EYA2: variants seen among roughly 807,000 people sequenced by gnomAD.
EYA2 encodes the protein protein phosphatase EYA2.
In EYA2, 31 loss-of-function variants were observed where a neutral mutation model predicts 69.2. The ratio of observed to expected loss-of-function variants is 0.45; its 90% CI spans 0.34 to 0.60. The LOEUF is 0.60. EYA2 is among the 20% of genes least tolerant of loss of function. The pLI, the probability that EYA2 is intolerant of heterozygous loss-of-function variation, is 0.02. For synonymous variants in EYA2, 257 were observed against 279.4 expected (o/e 0.92, Z 0.80); for missense variants, 622 against 701.2 (o/e 0.89, Z 1.28).
At chr20:47,005,984 C>G (rs1192857818) in intron 4 of EYA2, among the ~76,000 whole-genome samples, 1 of 152,194 alleles carries the variant, frequency 6.6e-6, no homozygotes, top group Non-Finnish European at 1.5e-5. Flanking sequence ...CTGGAAAAAC[C>G]TAGGGCACTG....
intron 6 of EYA2, 150 bp from the exon 7 acceptor site, chr20:47,074,008 G>T: frequency 1.5e-6 from 1 of 648,208 alleles, no homozygotes; most frequent in Admixed American, 3.5e-5. Flanking sequence ...CCTTGCCCCG[G>T]GGTCTGCTTC....
intron 2 of EYA2, among the ~76,000 whole-genome samples, chr20:46,998,972 G>C (rs1982197951): frequency 2.6e-5 from 4 of 152,150 alleles, no homozygotes; most frequent in African/African-American, 9.7e-5. Flanking sequence ...CTGCGTAGTG[G>C]GGGAGGGGAA....
chr20:47,078,333 A>ACACACACC (rs2031598907), intron 7 of EYA2, among the ~76,000 whole-genome samples: 1 of 76,082 alleles, frequency 1.3e-5, no homozygotes, highest in African/African-American at 4.7e-5. Flanking sequence ...GCGCGCGCGC[A>ACACACACC]CACACACACA....
chr20:46,998,840 G>A (rs1303868199), intron 2 of EYA2, among the ~76,000 whole-genome samples: 1 of 152,196 alleles, frequency 6.6e-6, no homozygotes, highest in African/African-American at 2.4e-5. Flanking sequence ...AAAAAAGCCT[G>A]TGTTTTTTCA....
At chr20:46,990,225 G>A (rs1981565764) in intron 2 of EYA2, 106 bp downstream of exon 2, 1 of 585,410 alleles carries the variant, frequency 1.7e-6, no homozygotes, top group Non-Finnish European at 3.2e-6. Flanking sequence ...ACTGTCCTTA[G>A]GACAATTTCT....
chr20:46,992,209 G>A lies in EYA2; in HGVS notation c.109+2090G>A, dbSNP rs562317002. 3.0e-4 allele frequency among the ~76,000 whole-genome samples: 45 copies of A among 152,232 alleles called. 1 individual carries two copies. The highest frequency in any genetic ancestry group is 7.7e-4 in the African/African-American group (32 of 41,546). On this transcript the variant is annotated intron_variant, in intron 2 of 15. Transcript: ENST00000327619. ...TCAGAACAAACACTCGGCACTTGTC[G>A]TGTCCCAGCATTGCTCTATTAACTC...
intron 1 of EYA2, among the ~76,000 whole-genome samples, chr20:46,974,502 G>A: frequency 6.6e-6 from 1 of 152,124 alleles, no homozygotes; most frequent in Non-Finnish European, 1.5e-5. Context: ...TGCTGGTGTG[G>A]TATCTGAAAG....
chr20:46,991,828 C>T (rs1030441819), intron 2 of EYA2, among the ~76,000 whole-genome samples: 1 of 151,838 alleles, frequency 6.6e-6, no homozygotes. Context: ...ATTAGACAGG[C>T]GTGGTGGCAC....
chr20:47,115,985 C>G (rs1341825366), intron 9 of EYA2, among the ~76,000 whole-genome samples: 1 of 152,170 alleles, frequency 6.6e-6, no homozygotes, highest in Non-Finnish European at 1.5e-5. Context: ...CTCTTCCTAC[C>G]CTCCCTTAGT....
chr20:46,899,002 A>G (rs1983957550), intron 1 of EYA2, among the ~76,000 whole-genome samples: 1 of 152,166 alleles, frequency 6.6e-6, no homozygotes, highest in South Asian at 2.1e-4. Flanking sequence ...TTTATTGAGA[A>G]CTGGTATACC....
chr20:46,974,362 A>C (rs1456263881), intron 1 of EYA2, among the ~76,000 whole-genome samples: 1 of 152,158 alleles, frequency 6.6e-6, no homozygotes, highest in Non-Finnish European at 1.5e-5. Context: ...CCCCCAGTAA[A>C]AATGCCCTTG....
At chr20:46,935,850 G>A (rs1985885413) in intron 1 of EYA2, among the ~76,000 whole-genome samples, 1 of 151,716 alleles carries the variant, frequency 6.6e-6, no homozygotes, top group Non-Finnish European at 1.5e-5. Flanking sequence ...ATATTATATT[G>A]CAACATCATA....
At chr20:47,091,793 G>C (rs2032095193) in intron 8 of EYA2, among the ~76,000 whole-genome samples, 1 of 152,060 alleles carries the variant, frequency 6.6e-6, no homozygotes. Flanking sequence ...GAATTTACTA[G>C]GAAAGGACAA....
chr20:47,002,958 G>A (rs548797391), intron 3 of EYA2, among the ~76,000 whole-genome samples: 137 of 152,318 alleles, frequency 9.0e-4, no homozygotes, highest in African/African-American at 3.3e-3. Context: ...ATAAACTTTT[G>A]CATTCACCTG....
Position 46,908,870 on chromosome 20 carries a change from C to CTTTTTTTTTTT in EYA2, c.-11+13910_-11+13920dup, listed in dbSNP as rs56834738. ...AAAGGCACTAAGCCTCTCTCCCGCA[C>CTTTTTTTTTTT]TTTTTTTTTTTTTTTTTTTTTTTTT... On this transcript the variant is annotated intron_variant, in intron 1 of 15. Transcript: ENST00000327619. 2.5e-4 allele frequency among the ~76,000 whole-genome samples: 12 copies of CTTTTTTTTTTT among 47,582 alleles called. 2 individuals are homozygous for CTTTTTTTTTTT. Among genetic ancestry groups the CTTTTTTTTTTT allele is most frequent in the East Asian group, 1.2e-3 (1 of 806 alleles). 31.2% of individuals were successfully genotyped at this position (47,582 alleles called of 152,430 possible). A position where few individuals can be genotyped will look rare whatever the true frequency, so the allele number is the denominator to read the frequency against.
chr20:46,950,336 A>G (rs1197978849), intron 1 of EYA2, among the ~76,000 whole-genome samples: 2 of 152,182 alleles, frequency 1.3e-5, no homozygotes, highest in Non-Finnish European at 2.9e-5. Context: ...AAATAATCTA[A>G]GGAGTCTCAA....
At chr20:46,956,283 T>C (rs1979121835) in intron 1 of EYA2, among the ~76,000 whole-genome samples, 1 of 152,254 alleles carries the variant, frequency 6.6e-6, no homozygotes, top group Admixed American at 6.5e-5. Context: ...CCCCTACTTA[T>C]TGTTTTTAAC....
At chr20:47,159,172 C>G (rs1045802119) in intron 10 of EYA2, among the ~76,000 whole-genome samples, 3 of 151,952 alleles carry the variant, frequency 2.0e-5, no homozygotes, top group South Asian at 2.1e-4. Flanking sequence ...GGAATAGTAA[C>G]TTCGGAGTGG....
intron 9 of EYA2, among the ~76,000 whole-genome samples, chr20:47,131,255 G>C (rs768754834): frequency 6.6e-6 from 1 of 152,166 alleles, no homozygotes; most frequent in African/African-American, 2.4e-5. Flanking sequence ...TTCCTACAGT[G>C]CATTAGAAGA....
Sources: gnomAD v4.1 joint callset for allele counts (sites outside exome capture counted in the v4.1 genomes callset) on GRCh38, gnomAD v4.1.1 for gene constraint, MANE v1.5 for transcripts, NCBI Gene and HGNC (gene_info 2026-07-23, HGNC 2026-07-21) for gene names.